The following DENND10 variants were observed in gnomAD, a reference collection of about 807,000 sequenced individuals.
DENND10 encodes the protein DENN domain containing 10, also known as DENN domain-containing protein 10.
In DENND10, 24 loss-of-function variants were observed where a neutral mutation model predicts 43.6. The observed-to-expected ratio is 0.55, with a 90% CI of 0.40 to 0.77. The LOEUF (loss-of-function observed/expected upper bound fraction) is 0.77, where lower values mean the gene tolerates loss of function less well. Ranked by LOEUF, DENND10 falls within the 30% of genes least tolerant of loss-of-function variation. The probability of loss-of-function intolerance (pLI) is 0.00; values close to 1 mark genes in which losing one functional copy is unlikely to be tolerated. For missense variants in DENND10, 303 were observed against 429.9 expected (o/e 0.70, Z 2.61); for synonymous variants, 125 against 157.6 (o/e 0.79, Z 1.55).
chr10:119,130,315 C>T (rs932560356), intron 7 of DENND10, among the ~76,000 whole-genome samples: 1 of 152,174 alleles, frequency 6.6e-6, no homozygotes, highest in Non-Finnish European at 1.5e-5. Context: ...CACCCGCCAC[C>T]GCACCCAGCT....
chr10:119,104,254 C>A, intron 1 of DENND10, 57 bp downstream of exon 1: 3 of 1,457,966 alleles, frequency 2.1e-6, no homozygotes, highest in Non-Finnish European at 9.1e-7. Flanking sequence ...CTCTGCTCCA[C>A]CTCGGCCCGG....
intron 7 of DENND10, among the ~76,000 whole-genome samples, chr10:119,131,196 C>T (rs1589746464): frequency 1.3e-5 from 2 of 152,216 alleles, no homozygotes; most frequent in East Asian, 1.9e-4. Context: ...TGGTGGCTCA[C>T]GCCTGTAATC....
chr10:119,112,467 T>G (rs960210662), intron 3 of DENND10, among the ~76,000 whole-genome samples: 2 of 151,858 alleles, frequency 1.3e-5, no homozygotes, highest in African/African-American at 4.8e-5. Context: ...ACCAGTCTAT[T>G]TTCTTTTCTT....
In DENND10 at chr10:119,137,497, T is replaced by C; in HGVS notation, c.*850T>C. 1 of 167,114 alleles carries C rather than the reference T, an allele frequency of 6.0e-6. No individual in the cohort carries two copies. 10.4% of individuals were successfully genotyped at this position (167,114 alleles called of 1,614,324 possible). ...ACAGGGGCCAAAACCAGAGAAAGGC[T>C]TCCAGCAACTTCGATGAAAGTAGTT... On this transcript the variant is annotated 3_prime_UTR_variant, in exon 9 of 9. Coordinates refer to ENST00000361432, the MANE Select transcript of DENND10 (RefSeq NM_207009.4).
At position 119,132,745 on chromosome 10, in the gene DENND10, G is replaced by A; in HGVS notation, c.897+136G>A. 7.0e-6 allele frequency: 5 copies of A among 718,178 alleles called. No homozygotes were observed. Among genetic ancestry groups the A allele is most frequent in the Non-Finnish European group, 1.2e-5 (5 of 402,808 alleles). The allele number at this position is 718,178 out of a possible 1,614,324, so 44.5% of individuals were successfully genotyped here. On this transcript the variant is annotated intron_variant, in intron 8 of 8. Transcript: ENST00000361432. The surrounding 1 kb of genome is among the most constrained non-coding windows in gnomAD (Gnocchi z 4.2). The stretch of plus-strand genomic sequence containing the variant: ...GGCAGGTGCTTAGAGAGGGTTTACA[G>A]ACGGCCACAGTGATGATGGACAAGC...
intron 6 of DENND10, among the ~76,000 whole-genome samples, chr10:119,127,727 A>G (rs1053009220): frequency 5.3e-5 from 8 of 151,766 alleles, no homozygotes; most frequent in Admixed American, 4.6e-4. Context: ...AGCTCAAGCA[A>G]TCCACCCGCC....
At chr10:119,117,446 C>A in intron 3 of DENND10, 73 bp from the exon 4 acceptor site, 2 of 1,514,900 alleles carry the variant, frequency 1.3e-6, no homozygotes, top group Non-Finnish European at 1.8e-6. Flanking sequence ...GGCACCCATA[C>A]CAGCCTGGGT....
intron 6 of DENND10, among the ~76,000 whole-genome samples, chr10:119,124,595 G>A (rs1845743296): frequency 6.6e-6 from 1 of 151,932 alleles, no homozygotes; most frequent in African/African-American, 2.4e-5. Flanking sequence ...TGTTACTCAG[G>A]CTGGTCTTGA....
intron 3 of DENND10, among the ~76,000 whole-genome samples, chr10:119,115,194 T>C (rs1324390993): frequency 6.6e-6 from 1 of 151,976 alleles, no homozygotes; most frequent in Non-Finnish European, 1.5e-5. Context: ...CAGACTCCAG[T>C]TCTACCTCCT....
intron 7 of DENND10, among the ~76,000 whole-genome samples, chr10:119,131,448 ACT>A (rs766677605): frequency 6.6e-6 from 1 of 152,010 alleles, no homozygotes; most frequent in Non-Finnish European, 1.5e-5. Flanking sequence ...ACAAAGCAAG[ACT>A]CTGTCTCAAA....
rs1845718510 is a variant in DENND10, at chr10:119,124,199, A to G, written c.694+630A>G. On this transcript the variant is annotated intron_variant, in intron 6 of 8. Transcript: ENST00000361432. The stretch of plus-strand genomic sequence containing the variant: ...CAAGAGCAAAACTCCGTCTCAAAAA[A>G]AAAAAAAAATTGTGGTAAAATGCAT... 2.6e-5 allele frequency among the ~76,000 whole-genome samples: 4 copies of G among 151,288 alleles called. No individual in the cohort carries two copies. The South Asian group carries it at 6.3e-4, about 24-fold the overall frequency.
chr10:119,124,010 G>A (rs1208223847), intron 6 of DENND10, among the ~76,000 whole-genome samples: 1 of 151,096 alleles, frequency 6.6e-6, no homozygotes, highest in Non-Finnish European at 1.5e-5. Flanking sequence ...TGACCAACAT[G>A]GAGAAACCCC....
At chr10:119,105,612 C>T in intron 1 of DENND10, 1 of 564,014 alleles carries the variant, frequency 1.8e-6, no homozygotes, top group Non-Finnish European at 2.4e-6. Context: ...CTGTCTTTAT[C>T]TACTAATAGC....
chr10:119,132,816 G>C lies in DENND10; in HGVS notation c.897+207G>C, dbSNP rs1846144783. 2 of 566,844 alleles carry C rather than the reference G, an allele frequency of 3.5e-6. No individual in the cohort carries two copies. The allele number at this position is 566,844 out of a possible 1,614,324, so 35.1% of individuals were successfully genotyped here. A position where few individuals can be genotyped will look rare whatever the true frequency, so the allele number is the denominator to read the frequency against. On this transcript the variant is annotated intron_variant, in intron 8 of 8. Transcript: ENST00000361432. This position sits in a 1 kb window ranked among gnomAD's most constrained non-coding sequence, Gnocchi z 4.2. The stretch of plus-strand genomic sequence containing the variant: ...TAGTTAGTTACTGGGCTCGAGGGCA[G>C]GTATACACAGGGGCTGGTGCTGACA...
intron 7 of DENND10, among the ~76,000 whole-genome samples, chr10:119,130,453 C>T (rs1270839331): frequency 6.6e-6 from 1 of 152,118 alleles, no homozygotes; most frequent in Non-Finnish European, 1.5e-5. Flanking sequence ...TGAGCCACTG[C>T]GCCTGGCCTA....
chr10:119,109,625 T>TC (rs1181248154), intron 2 of DENND10, among the ~76,000 whole-genome samples: 2 of 150,924 alleles, frequency 1.3e-5, no homozygotes, highest in Non-Finnish European at 3.0e-5. Context: ...GAAGATACTT[T>TC]TTTTTTTTTT....
rs577521507 is a variant in DENND10 at position 119,123,756 on chromosome 10, G to A, written c.694+187G>A. Among the ~76,000 whole-genome samples the A allele has an allele frequency of 6.6e-4, 100 of 151,996 alleles. 1 individual carries two copies. Among genetic ancestry groups the A allele is most frequent in the African/African-American group, 7.5e-4 (31 of 41,476 alleles). ...TGGGATTACAGGCATGTGCCACCAC[G>A]CCTGGCTAATTTTATTCCACTTTAA... On this transcript the variant is annotated intron_variant, in intron 6 of 8. Transcript: ENST00000361432.
chr10:119,112,612 G>A (rs753658589), intron 3 of DENND10, among the ~76,000 whole-genome samples: 1 of 149,312 alleles, frequency 6.7e-6, no homozygotes. Flanking sequence ...TCCCACCTCA[G>A]CCTCCCATGT....
chr10:119,130,375 G>T (rs1228785317), intron 7 of DENND10, among the ~76,000 whole-genome samples: 1 of 152,104 alleles, frequency 6.6e-6, no homozygotes, highest in Non-Finnish European at 1.5e-5. Context: ...TGGTCAGCTG[G>T]TCTTGAACTC....
Sources: allele counts gnomAD v4.1 joint callset (sites outside exome capture counted in the v4.1 genomes callset), GRCh38; gene constraint gnomAD v4.1.1; non-coding constraint Gnocchi (gnomAD v3.1); transcripts MANE v1.5; gene names NCBI Gene and HGNC (gene_info 2026-07-23, HGNC 2026-07-21).